Variants in EPHA5 observed in about 807,000 individuals in gnomAD.
The protein encoded by EPHA5 is ephrin type-A receptor 5.
Under a neutral mutation model 105.0 loss-of-function variants are expected in EPHA5, and 60 were observed. The observed-to-expected ratio is 0.57, with a 90% confidence interval of 0.46 to 0.71. The LOEUF (loss-of-function observed/expected upper bound fraction) is 0.71. EPHA5 is among the 30% of genes least tolerant of loss of function. The pLI is 0.00. For missense variants in EPHA5, 1,218 were observed against 1,274.7 expected (o/e 0.96, Z 0.68); for synonymous variants, 513 against 449.1 (o/e 1.14, Z -1.80).
intron 11 of EPHA5, among the ~76,000 whole-genome samples, chr4:65,360,908 A>C (rs1320277548): frequency 1.3e-5 from 2 of 151,550 alleles, no homozygotes; most frequent in African/African-American, 4.8e-5. Flanking sequence ...CAACGAGCTC[A>C]TTGCATAAGA....
At chr4:65,537,373 A>C (rs1240400816) in intron 3 of EPHA5, among the ~76,000 whole-genome samples, 1 of 151,806 alleles carries the variant, frequency 6.6e-6, no homozygotes. Flanking sequence ...CAAGTTTTTC[A>C]GATAGCAAAA....
At chr4:65,633,558 GA>G (rs955596174) in intron 2 of EPHA5, among the ~76,000 whole-genome samples, 10 of 151,874 alleles carry the variant, frequency 6.6e-5, no homozygotes, top group Non-Finnish European at 1.5e-4. Flanking sequence ...AATGTCAGGA[GA>G]TTTTTTTTTC....
intron 11 of EPHA5, among the ~76,000 whole-genome samples, chr4:65,355,383 A>C: frequency 6.6e-6 from 1 of 151,698 alleles, no homozygotes; most frequent in East Asian, 1.9e-4. Context: ...TCATTAGTAT[A>C]ATTTTAATCT....
At chr4:65,602,481 T>C (rs1198167085) in intron 2 of EPHA5, among the ~76,000 whole-genome samples, 177 bp from the exon 3 acceptor site, 3 of 152,142 alleles carry the variant, frequency 2.0e-5, no homozygotes. Flanking sequence ...TCACAAATTT[T>C]TATTGTAATT....
chr4:65,549,535 C>A (rs1737693178), intron 3 of EPHA5, among the ~76,000 whole-genome samples: 1 of 99,248 alleles, frequency 1.0e-5, no homozygotes, highest in Non-Finnish European at 2.1e-5. Context: ...TTACTGGTAT[C>A]AAGTGTTCTA....
chr4:65,558,913 G>C (rs1470131602), intron 3 of EPHA5, among the ~76,000 whole-genome samples: 2 of 152,100 alleles, frequency 1.3e-5, no homozygotes, highest in Non-Finnish European at 2.9e-5. Context: ...TTTTAAGACA[G>C]TGATTTTTAA....
intron 3 of EPHA5, among the ~76,000 whole-genome samples, chr4:65,585,403 G>C (rs1742023027): frequency 6.6e-6 from 1 of 151,536 alleles, no homozygotes. Context: ...TCTTACCTAG[G>C]AGTTGAAACT....
intron 5 of EPHA5, among the ~76,000 whole-genome samples, chr4:65,478,220 C>A (rs1378796359): frequency 6.6e-6 from 1 of 152,110 alleles, no homozygotes; most frequent in East Asian, 1.9e-4. Context: ...AGTCAGAACA[C>A]TAATCTGGTC....
chr4:65,445,170 A>T (rs918132882), intron 5 of EPHA5, among the ~76,000 whole-genome samples: 3 of 152,108 alleles, frequency 2.0e-5, no homozygotes, highest in South Asian at 2.1e-4. Context: ...GGTAACTTTA[A>T]ATCAATCTAT....
At chr4:65,665,219 A>C (rs899285010) in intron 1 of EPHA5, among the ~76,000 whole-genome samples, 2 of 151,962 alleles carry the variant, frequency 1.3e-5, no homozygotes, top group Admixed American at 1.3e-4. Context: ...TCAAAGGTAG[A>C]AAGGTTTCTA....
intron 2 of EPHA5, among the ~76,000 whole-genome samples, chr4:65,610,096 T>C: frequency 6.6e-6 from 1 of 151,914 alleles, no homozygotes; most frequent in Non-Finnish European, 1.5e-5. Context: ...AAGATGCCCA[T>C]CAACAGCGAA....
chr4:65,464,314 A>G (rs1008489326), intron 5 of EPHA5, among the ~76,000 whole-genome samples: 2 of 152,046 alleles, frequency 1.3e-5, no homozygotes, highest in Non-Finnish European at 1.5e-5. Context: ...CCACTTTAAA[A>G]TTACTGACGT....
chr4:65,467,366 C>T (rs1419125885), intron 5 of EPHA5, among the ~76,000 whole-genome samples: 1 of 152,152 alleles, frequency 6.6e-6, no homozygotes, highest in African/African-American at 2.4e-5. Context: ...GGCCATTTGT[C>T]ATGTGATTTT....
chr4:65,581,285 GT>G (rs1741594354), intron 3 of EPHA5, among the ~76,000 whole-genome samples: 1 of 151,602 alleles, frequency 6.6e-6, no homozygotes, highest in Admixed American at 6.6e-5. Flanking sequence ...TCTTTTTCAC[GT>G]ATACATGAAG....
At chr4:65,346,713 T>A (rs1459500793) in intron 14 of EPHA5, among the ~76,000 whole-genome samples, 2 of 151,736 alleles carry the variant, frequency 1.3e-5, no homozygotes, top group African/African-American at 4.8e-5. Context: ...TGGGAGAAAA[T>A]TTTTGCAATC....
intron 8 of EPHA5, among the ~76,000 whole-genome samples, chr4:65,402,806 G>A (rs1264436224): frequency 6.6e-6 from 1 of 152,110 alleles, no homozygotes; most frequent in African/African-American, 2.4e-5. Flanking sequence ...TCACATGGTA[G>A]TTTTCCTAGT....
chr4:65,582,067 A>G (rs1351695765), intron 3 of EPHA5, among the ~76,000 whole-genome samples: 6 of 151,658 alleles, frequency 4.0e-5, no homozygotes, highest in Non-Finnish European at 8.9e-5. Flanking sequence ...CTCCTCCTCA[A>G]TCCCTCAGGA....
Position 65,447,394 on chromosome 4 carries a change from T to C in EPHA5, c.1403-26829A>G, listed in dbSNP as rs371753450. Among the ~76,000 whole-genome samples the C allele has an allele frequency of 2.6e-3, 395 of 151,970 alleles. 1 individual carries two copies. The highest frequency in any genetic ancestry group is 3.6e-3 in the Non-Finnish European group (244 of 67,956). ...TCAAACAAAATTATTGCTCCTTTTG[T>C]ACCAGTTGCTACTCTGAAAAGAGGA... On this transcript the variant is annotated intron_variant, in intron 5 of 16. Coordinates refer to ENST00000613740, the MANE Select transcript of EPHA5 (RefSeq NM_001281766.3).
chr4:65,381,397 T>C (rs1417104176), intron 8 of EPHA5, among the ~76,000 whole-genome samples: 1 of 151,804 alleles, frequency 6.6e-6, no homozygotes, highest in Admixed American at 6.6e-5. Context: ...GTTACATTCA[T>C]TGCATTATGG....
Sources: allele counts gnomAD v4.1 joint callset (sites outside exome capture counted in the v4.1 genomes callset), GRCh38; gene constraint gnomAD v4.1.1; transcripts MANE v1.5; gene names NCBI Gene and HGNC (gene_info 2026-07-23, HGNC 2026-07-21).